Variants in PDE1C observed in about 807,000 individuals in gnomAD.
PDE1C encodes dual specificity calcium/calmodulin-dependent 3',5'-cyclic nucleotide phosphodiesterase 1C.
PDE1C carries 62 observed loss-of-function variants against 93.1 expected under a neutral mutation model. The observed-to-expected ratio is 0.67, with a 90% CI of 0.54 to 0.82. PDE1C has a LOEUF of 0.82. Ranked by LOEUF, PDE1C falls within the 40% of genes least tolerant of loss-of-function variation. The probability of loss-of-function intolerance (pLI) is 0.00; values close to 1 mark genes in which losing one functional copy is unlikely to be tolerated. For synonymous variants in PDE1C, 325 were observed against 310.1 expected, an observed-to-expected ratio of 1.05 and a Z score of -0.50; for missense variants, 742 against 884.6, an observed-to-expected ratio of 0.84 and a Z score of 2.04.
chr7:32,002,327 G>C (rs976310374), intron 2 of PDE1C, among the ~76,000 whole-genome samples: 5 of 152,154 alleles, frequency 3.3e-5, no homozygotes, highest in Admixed American at 2.6e-4. Context: ...ACGCAGGAGA[G>C]TCCTGCTACC....
intron 3 of PDE1C, among the ~76,000 whole-genome samples, chr7:32,098,285 C>T (rs1339012681): frequency 2.0e-5 from 3 of 147,502 alleles, no homozygotes; most frequent in Admixed American, 6.7e-5. Context: ...AACCCTGAAG[C>T]GGGTAATCAT....
intron 17 of PDE1C, among the ~76,000 whole-genome samples, chr7:31,761,603 T>C (rs10258789): frequency 0.13 from 19,776 of 152,196 alleles, 1,597 homozygotes; most frequent in Non-Finnish European, 0.18. Flanking sequence ...TTTAACTTGG[T>C]GGTTCTCAAT....
intron 15 of PDE1C, among the ~76,000 whole-genome samples, chr7:31,812,387 C>T (rs917806690): frequency 2.6e-5 from 4 of 152,078 alleles, no homozygotes; most frequent in African/African-American, 7.2e-5. Flanking sequence ...GAATTCATAT[C>T]CTTCTTTGTG....
chr7:31,707,587 G>C, the PDE1C span: 1 of 311,032 alleles, frequency 3.2e-6, no homozygotes, highest in Non-Finnish European at 5.9e-6. Flanking sequence ...TGCATCTTCT[G>C]GATCAATTCA....
chr7:32,202,305 G>A (rs1203451975), intron 2 of PDE1C, among the ~76,000 whole-genome samples: 2 of 152,150 alleles, frequency 1.3e-5, no homozygotes, highest in African/African-American at 4.8e-5. Flanking sequence ...AAGGCAGAGT[G>A]AGTCTCAGTG....
intron 2 of PDE1C, among the ~76,000 whole-genome samples, chr7:32,184,606 A>C (rs1803709143): frequency 6.6e-6 from 1 of 152,116 alleles, no homozygotes; most frequent in Non-Finnish European, 1.5e-5. Flanking sequence ...CAATGAGAAC[A>C]CATGGACACA....
At chr7:32,101,698 G>A (rs183705915) in intron 3 of PDE1C, among the ~76,000 whole-genome samples, 15 of 152,228 alleles carry the variant, frequency 9.9e-5, no homozygotes, top group African/African-American at 2.4e-4. Flanking sequence ...CTGCAGAACC[G>A]TGAGCCAAAA....
chr7:32,426,922 G>A (rs529424154), intron 1 of PDE1C, among the ~76,000 whole-genome samples: 8 of 152,174 alleles, frequency 5.3e-5, no homozygotes, highest in Non-Finnish European at 1.2e-4. Context: ...TTTGCTTGGG[G>A]TGAAGTGAGG....
At chr7:32,318,771 T>C (rs1305935741) in intron 1 of PDE1C, among the ~76,000 whole-genome samples, 1 of 152,134 alleles carries the variant, frequency 6.6e-6, no homozygotes, top group Non-Finnish European at 1.5e-5. Flanking sequence ...CCCGCGTATC[T>C]ACCTACAAAA....
chr7:32,103,501 T>G (rs1395366756), intron 3 of PDE1C, among the ~76,000 whole-genome samples: 1 of 152,120 alleles, frequency 6.6e-6, no homozygotes, highest in Non-Finnish European at 1.5e-5. Flanking sequence ...ATTCTTCTCT[T>G]GAGAAACTGA....
chr7:32,258,204 G>A (rs964536649), intron 1 of PDE1C, among the ~76,000 whole-genome samples: 23 of 152,178 alleles, frequency 1.5e-4, no homozygotes, highest in Admixed American at 4.6e-4. Context: ...CCCACAAGCT[G>A]GGGACCATGG....
intron 2 of PDE1C, among the ~76,000 whole-genome samples, chr7:31,901,514 A>G (rs894008964): frequency 6.6e-6 from 1 of 151,316 alleles, no homozygotes; most frequent in Non-Finnish European, 1.5e-5. Flanking sequence ...TCCACATCAT[A>G]TTTTTGGATG....
intron 1 of PDE1C, among the ~76,000 whole-genome samples, chr7:32,369,220 A>G (rs1045950261): frequency 1.3e-5 from 2 of 152,168 alleles, no homozygotes; most frequent in Non-Finnish European, 2.9e-5. Flanking sequence ...CAGAATGGAA[A>G]AAAATATTTG....
At chr7:31,717,390 A>C in the PDE1C span, among the ~76,000 whole-genome samples, 3 of 152,214 alleles carry the variant, frequency 2.0e-5, no homozygotes, top group Admixed American at 2.0e-4. Context: ...TAACAGTCCC[A>C]AAATACCATG....
chr7:32,245,789 C>T (rs34854521), intron 1 of PDE1C, among the ~76,000 whole-genome samples: 150,243 of 152,236 alleles, frequency 0.99, 74,177 homozygotes, highest in Middle Eastern at 1. Flanking sequence ...GACAGTGCCT[C>T]CTTGCTGTGT....
the PDE1C span, among the ~76,000 whole-genome samples, chr7:31,741,944 T>C: frequency 6.6e-6 from 1 of 152,240 alleles, no homozygotes; most frequent in Admixed American, 6.5e-5. Context: ...CTCATCACAT[T>C]GTTTGCTAGC....
At chr7:32,139,772 A>G (rs1800413844) in intron 3 of PDE1C, among the ~76,000 whole-genome samples, 1 of 152,162 alleles carries the variant, frequency 6.6e-6, no homozygotes, top group Non-Finnish European at 1.5e-5. Flanking sequence ...GGATGTGGGT[A>G]GGGTTATTTT....
intron 2 of PDE1C, among the ~76,000 whole-genome samples, chr7:31,950,104 C>T (rs193042621): frequency 2.0e-5 from 3 of 152,318 alleles, no homozygotes; most frequent in African/African-American, 7.2e-5. Flanking sequence ...ATTTCTCTTG[C>T]TTTATTTTGG....
downstream of PDE1C, among the ~76,000 whole-genome samples, chr7:31,748,246 T>A (rs1323514812): frequency 1.4e-5 from 2 of 144,116 alleles, no homozygotes; most frequent in African/African-American, 5.1e-5. Flanking sequence ...TTCTCTCTTG[T>A]TATATTTATT....
Sources: gnomAD v4.1 joint callset for allele counts (sites outside exome capture counted in the v4.1 genomes callset) on GRCh38, gnomAD v4.1.1 for gene constraint, MANE v1.5 for transcripts, NCBI Gene and HGNC (gene_info 2026-07-23, HGNC 2026-07-21) for gene names.